Variants in SLC38A9 observed in about 807,000 individuals in gnomAD.
The protein encoded by SLC38A9 is neutral amino acid transporter 9.
A neutral mutation model predicts 62.3 loss-of-function variants in SLC38A9; 48 were observed. The ratio of observed to expected loss-of-function variants is 0.77; its 90% CI spans 0.61 to 0.98. The LOEUF is 0.98. Ranked by LOEUF, SLC38A9 falls within the 50% of genes least tolerant of loss-of-function variation. SLC38A9 has a pLI of 0.00. For missense variants in SLC38A9, 541 were observed against 679.8 expected (o/e 0.80, Z 2.27); for synonymous variants, 204 against 227.7 (o/e 0.90, Z 0.94).
chr5:55,704,704 G>A (rs1757076903), intron 2 of SLC38A9, among the ~76,000 whole-genome samples: 1 of 152,200 alleles, frequency 6.6e-6, no homozygotes, highest in Admixed American at 6.5e-5. Flanking sequence ...AGAAAGAACT[G>A]CAAGGCATTA....
At chr5:55,686,455 A>G (rs1329460091) in intron 3 of SLC38A9, among the ~76,000 whole-genome samples, 2 of 151,876 alleles carry the variant, frequency 1.3e-5, no homozygotes, top group Non-Finnish European at 2.9e-5. Flanking sequence ...TTCTTTGCCC[A>G]CTTTTTAATG....
At chr5:55,669,351 T>C (rs1273076639) in intron 6 of SLC38A9, 30 bp from the exon 7 acceptor site, 2 of 1,543,384 alleles carry the variant, frequency 1.3e-6, no homozygotes, top group Non-Finnish European at 8.9e-7. Flanking sequence ...TAAAACAGCA[T>C]ATATCATCAT....
At position 55,672,610 on chromosome 5, in the gene SLC38A9, T is replaced by A; in HGVS notation, c.199A>T (p.Arg67Ter). 1 of 1,614,202 alleles carries A rather than the reference T, an allele frequency of 6.2e-7. No homozygotes were observed. The highest frequency in any genetic ancestry group is 1.1e-5 in the South Asian group (1 of 91,088). ...VSDHASAMNKRIHYYSRLTTP... is the reference protein window; with the variant it reads ...VSDHASAMNK ...GTGAGCCGGCTGTAGTAATGAATTC[T>A]CTTGTTCATGGCAGAGGCATGGTCA... Residue 67 changes from arginine to a stop codon, truncating the protein, a stop_gained, in exon 4 of 16, where the codon AGA (arginine) becomes TGA (stop). Transcript: ENST00000396865. LOFTEE classifies it high-confidence loss of function.
chr5:55,656,174 C>T (rs1748389377), intron 9 of SLC38A9, among the ~76,000 whole-genome samples: 1 of 150,286 alleles, frequency 6.7e-6, no homozygotes, highest in African/African-American at 2.4e-5. Flanking sequence ...CTAAATGTTG[C>T]CTAGCTCACA....
chr5:55,646,118 G>A (rs1746294646), intron 11 of SLC38A9, among the ~76,000 whole-genome samples: 1 of 152,244 alleles, frequency 6.6e-6, no homozygotes, highest in Admixed American at 6.5e-5. Flanking sequence ...GCTCACACCT[G>A]TAATCCTAAC....
intron 13 of SLC38A9, chr5:55,634,378 T>G (rs1744007777): frequency 6.6e-6 from 1 of 152,652 alleles, no homozygotes; most frequent in South Asian, 2.1e-4. Flanking sequence ...AAGGTGAGAG[T>G]ATGTCTATCA....
intron 12 of SLC38A9, among the ~76,000 whole-genome samples, chr5:55,640,343 G>A (rs1225227729): frequency 1.3e-5 from 2 of 152,100 alleles, no homozygotes; most frequent in East Asian, 1.9e-4. Context: ...AGTGACAAAA[G>A]GTGAATCAAA....
At position 55,672,583 on chromosome 5, in the gene SLC38A9, T is replaced by A. The variant is rs1347189762; in HGVS notation, c.226A>T (p.Thr76Ser). Residue 76 changes from threonine to serine, a missense_variant, in exon 4 of 16, where the codon ACT (threonine) becomes TCT (serine). Physicochemically the swap from Thr to Ser is moderately conservative, Grantham distance 58. Coordinates refer to ENST00000396865, the MANE Select transcript of SLC38A9 (RefSeq NM_173514.4). ...KRIHYYSRLT[T>S]PADKALIAPD... The stretch of plus-strand genomic sequence containing the variant: ...CTTACCAGTGCCTTGTCTGCAGGAG[T>A]GGTGAGCCGGCTGTAGTAATGAATT... The A allele has an allele frequency of 1.2e-6, 2 of 1,613,902 alleles. No individual in the cohort carries two copies. Among genetic ancestry groups the A allele is most frequent in the East Asian group, 2.2e-5 (1 of 44,862 alleles).
rs1742747165 is a variant in SLC38A9, at chr5:55,627,930, A to T, written c.1481T>A (p.Ile494Asn). ...TATGTTTGGGTAGAAACAGGCCATG[A>T]TCACTCCAGCTCCCACAATAATTAG... ...LNLIIVGAGV[I>N]MACFYPNIGG... The change falls in exon 15 of 16, where the codon ATC (isoleucine) becomes AAC (asparagine). Residue 494 changes from isoleucine (I) to asparagine (N), a missense_variant. Coordinates refer to ENST00000396865, the MANE Select transcript of SLC38A9 (RefSeq NM_173514.4). 6.2e-6 allele frequency: 10 copies of T among 1,613,084 alleles called. No individual in the cohort carries two copies. Among genetic ancestry groups the T allele is most frequent in the Non-Finnish European group, 8.5e-6 (10 of 1,179,266 alleles).
intron 2 of SLC38A9, among the ~76,000 whole-genome samples, chr5:55,698,991 C>T (rs996644796): frequency 5.9e-5 from 9 of 152,008 alleles, no homozygotes; most frequent in Non-Finnish European, 8.8e-5. Context: ...TGGTGGCTCA[C>T]GTCTATAATC....
chr5:55,667,350 C>G (rs1750646813), intron 7 of SLC38A9, among the ~76,000 whole-genome samples: 1 of 152,056 alleles, frequency 6.6e-6, no homozygotes, highest in Non-Finnish European at 1.5e-5. Context: ...GGTGCCGGTA[C>G]TTGTCTGGGA....
At chr5:55,709,235 C>G (rs1217555548) in intron 2 of SLC38A9, among the ~76,000 whole-genome samples, 1 of 152,116 alleles carries the variant, frequency 6.6e-6, no homozygotes, top group Non-Finnish European at 1.5e-5. Flanking sequence ...CGCTGTGGTA[C>G]CAAAGAATCT....
chr5:55,694,339 G>A (rs1755153100), intron 3 of SLC38A9: 1 of 158,768 alleles, frequency 6.3e-6, no homozygotes, highest in African/African-American at 2.4e-5. Context: ...AAGACAGATG[G>A]GTCATGTTCT....
At chr5:55,641,247 C>T (rs1745404751) in intron 12 of SLC38A9, among the ~76,000 whole-genome samples, 2 of 152,242 alleles carry the variant, frequency 1.3e-5, no homozygotes, top group African/African-American at 2.4e-5. Flanking sequence ...CCTCCTTCTT[C>T]TCACTGTATA....
intron 12 of SLC38A9, among the ~76,000 whole-genome samples, chr5:55,640,123 T>G (rs968820027): frequency 6.6e-6 from 1 of 151,580 alleles, no homozygotes; most frequent in Non-Finnish European, 1.5e-5. Flanking sequence ...GTAGCTGGGA[T>G]TGGAGGGGCC....
intron 8 of SLC38A9, among the ~76,000 whole-genome samples, chr5:55,662,543 G>A (rs1411138961): frequency 2.6e-5 from 4 of 151,906 alleles, no homozygotes; most frequent in Non-Finnish European, 4.4e-5. Context: ...GGTGGTGCAC[G>A]CCTATGATCT....
intron 14 of SLC38A9, among the ~76,000 whole-genome samples, chr5:55,630,311 T>G (rs1447091305): frequency 6.6e-6 from 1 of 152,050 alleles, no homozygotes; most frequent in African/African-American, 2.4e-5. Flanking sequence ...AGGGTTTTTT[T>G]GTTTGTTTGT....
At chr5:55,656,939 C>G (rs1748558312) in intron 8 of SLC38A9, among the ~76,000 whole-genome samples, 165 bp from the exon 9 acceptor site, 2 of 151,768 alleles carry the variant, frequency 1.3e-5, no homozygotes, top group South Asian at 4.2e-4. Context: ...TGGCTTACTG[C>G]AAGCTCCGCC....
At chr5:55,669,983 T>G in intron 4 of SLC38A9, 104 bp from the exon 5 acceptor site, 2 of 1,125,044 alleles carry the variant, frequency 1.8e-6, no homozygotes, top group African/African-American at 3.2e-5. Flanking sequence ...TTTTTTCTTT[T>G]GAACGGAGTC....
Sources: allele counts gnomAD v4.1 joint callset (sites outside exome capture counted in the v4.1 genomes callset), GRCh38; gene constraint gnomAD v4.1.1; transcripts MANE v1.5; gene names NCBI Gene and HGNC (gene_info 2026-07-23, HGNC 2026-07-21).